Variants in CUL4B observed in about 807,000 individuals in gnomAD.
CUL4B encodes the protein cullin 4B.
CUL4B carries 1 observed loss-of-function variant against 69.2 expected under a neutral mutation model. The ratio of observed to expected loss-of-function variants is 0.01; its 90% confidence interval spans 0.01 to 0.07. The LOEUF (loss-of-function observed/expected upper bound fraction) is 0.07. CUL4B is among the 10% of genes least tolerant of loss of function. The probability of loss-of-function intolerance (pLI) is 1.00; values close to 1 mark genes in which losing one functional copy is unlikely to be tolerated. For synonymous variants in CUL4B, 237 were observed against 223.2 expected, an observed-to-expected ratio of 1.06 and a Z score of -0.55; for missense variants, 328 against 638.8, an observed-to-expected ratio of 0.51 and a Z score of 5.24.
rs1369297351 is a variant in CUL4B, at chrX:120,525,146, C to A, written c.*1615G>T. The A allele has an allele frequency of 8.9e-6, 1 of 112,056 alleles. No homozygotes were observed. The highest frequency in any genetic ancestry group is 3.2e-5 in the African/African-American group (1 of 30,773). 9.2% of individuals were successfully genotyped at this position (112,056 alleles called of 1,213,427 possible). A position where few individuals can be genotyped will look rare whatever the true frequency, so the allele number is the denominator to read the frequency against. On this transcript the variant is annotated 3_prime_UTR_variant, in exon 20 of 20. Transcript: ENST00000371322. ...TCCGAATACCACATATAGTTAGACACCAGTGTGCAAGTTGATGCAACTAGA... is the reference window on the plus strand; with the variant it reads ...TCCGAATACCACATATAGTTAGACAACAGTGTGCAAGTTGATGCAACTAGA...
chrX:120,536,805 T>C (rs1043276227), intron 15 of CUL4B, 122 bp downstream of exon 15: 6 of 516,493 alleles, frequency 1.2e-5, no homozygotes, highest in Non-Finnish European at 1.7e-5. Flanking sequence ...AAGACCAGCC[T>C]GAGCAATACA....
At chrX:120,572,464 C>CAAAAAAAAAAAAAAAAAAAAAAAA in intron 2 of CUL4B, among the ~76,000 whole-genome samples, 1 of 50,437 alleles carries the variant, frequency 2.0e-5, no homozygotes, top group Non-Finnish European at 3.6e-5. Context: ...CAAAACTCCT[C>CAAAAAAAAAAAAAAAAAAAAAAAA]AAAAAAAAAA....
At chrX:120,549,618 T>C (rs1924564719) in intron 2 of CUL4B, among the ~76,000 whole-genome samples, 1 of 111,088 alleles carries the variant, frequency 9.0e-6, no homozygotes, top group South Asian at 3.8e-4. Context: ...ACGAGACAAG[T>C]CACCACACCT....
chrX:120,539,313 C>G lies in CUL4B; in HGVS notation c.1696G>C (p.Glu566Gln). 8.4e-7 allele frequency: 1 copy of G among 1,195,084 alleles called. No individual in the cohort carries two copies. Among genetic ancestry groups the G allele is most frequent in the Non-Finnish European group, 1.1e-6 (1 of 882,558 alleles). ...ATCATAATTTTATCCAACATTTTCT[C>G]AAGTTCTTCATCTGTAGCTTCTTTG... ...GNKEATDEELEKMLDKIMIIF... is the reference protein window; with the variant it reads ...GNKEATDEELQKMLDKIMIIF... Residue 566 changes from glutamate (E) to glutamine (Q), a missense_variant, in exon 12 of 20, where the codon GAG (glutamate) becomes CAG (glutamine). Physicochemically the swap from Glu to Gln is conservative, Grantham distance 29. This residue lies in a region of CUL4B where 98 missense variants were observed against 296.8 expected (regional missense o/e 0.33). Coordinates refer to ENST00000371322, the MANE Select transcript of CUL4B (RefSeq NM_001079872.2).
chrX:120,570,836 T>A (rs1303383795), downstream of CUL4B, among the ~76,000 whole-genome samples: 2 of 111,845 alleles, frequency 1.8e-5, no homozygotes, highest in African/African-American at 6.5e-5. Flanking sequence ...GATAACTTTT[T>A]AAATAAAGCT....
chrX:120,535,989 C>A (rs1923647612), intron 15 of CUL4B, 46 bp from the exon 16 acceptor site: 10 of 905,623 alleles, frequency 1.1e-5, no homozygotes, highest in Non-Finnish European at 1.6e-5. Context: ...GTATCCAATA[C>A]CACATTTACC....
Position 120,542,952 on chromosome X carries a change from A to C in CUL4B, c.1324+14T>G. ...ATTTAAAAAGCAATCTCTTATTTAC[A>C]AATTGCCAATTACCTTTCTGAAGAA... is the stretch of plus-strand genomic sequence containing the variant. On this transcript the variant is annotated intron_variant, in intron 9 of 19. Transcript: ENST00000371322. 1 of 1,172,647 alleles carries C rather than the reference A, an allele frequency of 8.5e-7. No homozygotes were observed. Among genetic ancestry groups the C allele is most frequent in the Non-Finnish European group, 1.2e-6 (1 of 861,188 alleles).
rs888709640 is a variant in CUL4B at position 120,524,372 on chromosome X, C to T, written c.*2389G>A. Among the ~76,000 whole-genome samples the T allele has an allele frequency of 2.7e-5, 3 of 111,575 alleles. No homozygotes were observed. The highest frequency in any genetic ancestry group is 9.6e-5 in the Admixed American group (1 of 10,425). ...ATGAAGCAATGTTTATACTTGTATC[C>T]GCATGTTTAAGAATAATTATCCACC... On this transcript the variant is annotated 3_prime_UTR_variant, in exon 20 of 20. Transcript: ENST00000371322.
chrX:120,525,466 C>G lies in CUL4B; in HGVS notation c.*1295G>C, dbSNP rs985705420. On this transcript the variant is annotated 3_prime_UTR_variant, in exon 20 of 20. Coordinates refer to ENST00000371322, the MANE Select transcript of CUL4B (RefSeq NM_001079872.2). ...AAAAATCAGTGACAGTAAAGAGAAG[C>G]CTTTGCTTGAATTATCAATTCGAAA... is the stretch of plus-strand genomic sequence containing the variant. 2 of 111,841 alleles carry G rather than the reference C, an allele frequency of 1.8e-5. No homozygotes were observed. The highest frequency in any genetic ancestry group is 1.9e-5 in the Non-Finnish European group (1 of 53,145). The allele number at this position is 111,841 out of a possible 1,213,427, so 9.2% of individuals were successfully genotyped here. A position where few individuals can be genotyped will look rare whatever the true frequency, so the allele number is the denominator to read the frequency against.
At chrX:120,531,686 C>T (rs1449596234) in intron 18 of CUL4B, among the ~76,000 whole-genome samples, 1 of 110,914 alleles carries the variant, frequency 9.0e-6, no homozygotes, top group East Asian at 2.8e-4. Flanking sequence ...TTTTGAACTC[C>T]TGACCTCAGG....
chrX:120,575,425 C>T (rs1925841023), exon 1 of CUL4B: 1 of 112,259 alleles, frequency 8.9e-6, no homozygotes, highest in South Asian at 3.7e-4. Context: ...CTGGAGGATC[C>T]GTTGTGTTCT....
Position 120,524,655 on chromosome X carries a change from C to T in CUL4B, c.*2106G>A, listed in dbSNP as rs1266545345. 5.4e-5 allele frequency: 6 copies of T among 111,733 alleles called. No individual in the cohort carries two copies. Among genetic ancestry groups the T allele is most frequent in the African/African-American group, 1.6e-4 (5 of 30,688 alleles). The allele number at this position is 111,733 out of a possible 1,213,427, so 9.2% of individuals were successfully genotyped here. A position where few individuals can be genotyped will look rare whatever the true frequency, so the allele number is the denominator to read the frequency against. Reference sequence around the variant, plus strand: ...TTATTGGAGAAAAATAGAACCACCACGTACACAGGGAAAAGAGCACAAAAA... The same window carrying T: ...TTATTGGAGAAAAATAGAACCACCATGTACACAGGGAAAAGAGCACAAAAA... On this transcript the variant is annotated 3_prime_UTR_variant, in exon 20 of 20. Transcript: ENST00000371322.
In CUL4B at chrX:120,538,109, T is replaced by C; in HGVS notation, c.1938+15A>G. 9.0e-7 allele frequency: 1 copy of C among 1,113,081 alleles called. No homozygotes were observed. 91.7% of individuals were successfully genotyped at this position (1,113,081 alleles called of 1,213,427 possible). A position where few individuals can be genotyped will look rare whatever the true frequency, so the allele number is the denominator to read the frequency against. Reference sequence around the variant, plus strand: ...CAACTAAGTTTGAGGAATTAAGAGTTTAACTCACTTTTACCTGTTTGAACT... The same window carrying C: ...CAACTAAGTTTGAGGAATTAAGAGTCTAACTCACTTTTACCTGTTTGAACT... On this transcript the variant is annotated intron_variant, in intron 14 of 19. Transcript: ENST00000371322.
rs1924340255 is a variant in CUL4B at position 120,546,550 on chromosome X, T to C, written c.843A>G (p.Gln281=). 1.7e-6 allele frequency: 2 copies of C among 1,200,431 alleles called. No homozygotes were observed. Among genetic ancestry groups the C allele is most frequent in the African/African-American group, 3.5e-5 (2 of 57,655 alleles). ...IDRCWQNHCR[Q]MIMIRSIFLF... ...TACAATACTTTTTCCAGCTTACCAT[T>C]TGTCTGCAATGGTTTTGCCAGCATC... The change falls in exon 4 of 20, where the codon CAA becomes CAG. Residue 281 remains glutamine (Q), a synonymous_variant. Coordinates refer to ENST00000371322, the MANE Select transcript of CUL4B (RefSeq NM_001079872.2).
downstream of CUL4B, among the ~76,000 whole-genome samples, chrX:120,567,369 C>T (rs1925585901): frequency 9.1e-6 from 1 of 109,690 alleles, no homozygotes; most frequent in Middle Eastern, 4.7e-3. Flanking sequence ...TCAGGTGATC[C>T]GCCCACCTCG....
intron 13 of CUL4B, 43 bp downstream of exon 13, chrX:120,538,617 T>G: frequency 1.1e-6 from 1 of 879,272 alleles, no homozygotes; most frequent in Non-Finnish European, 1.7e-6. Flanking sequence ...AACATTCTCC[T>G]TCAGGAATCA....
Position 120,526,737 on chromosome X carries a change from A to AC in CUL4B, c.*23dup, listed in dbSNP as rs751734223. 1.7e-5 allele frequency: 18 copies of AC among 1,055,810 alleles called. No homozygotes were observed. In the African/African-American group the frequency reaches 3.1e-4, roughly 18 times the overall value. 87.0% of individuals were successfully genotyped at this position (1,055,810 alleles called of 1,213,427 possible). ...TTATCCACTGGCTACTGCATATGAC[A>AC]CCAAATGCTGCAAGGCCAACATTCT... On this transcript the variant is annotated 3_prime_UTR_variant, in exon 20 of 20. Transcript: ENST00000371322.
In CUL4B at chrX:120,560,788, G is replaced by T; in HGVS notation, c.-150C>A. On this transcript the variant is annotated 5_prime_UTR_variant, in exon 1 of 20. Transcript: ENST00000371322. ...AGGACGAGAAGGAAAGTGAAGGGGG[G>T]GGCTACACCGGGGGAATGGGAGGGT... 7.2e-6 allele frequency: 3 copies of T among 418,674 alleles called. No homozygotes were observed. Among genetic ancestry groups the T allele is most frequent in the Admixed American group, 6.3e-5 (1 of 15,792 alleles). 34.5% of individuals were successfully genotyped at this position (418,674 alleles called of 1,213,427 possible).
In CUL4B at chrX:120,560,801, G is replaced by T; in HGVS notation, c.-163C>A. ...AAGTGAAGGGGGGGGCTACACCGGG[G>T]GAATGGGAGGGTTTGGGAAGGCGGA... On this transcript the variant is annotated 5_prime_UTR_variant, in exon 1 of 20. Coordinates refer to ENST00000371322, the MANE Select transcript of CUL4B (RefSeq NM_001079872.2). The T allele has an allele frequency of 1.2e-5, 7 of 602,928 alleles. No homozygotes were observed. The highest frequency in any genetic ancestry group is 1.1e-4 in the Admixed American group (2 of 17,535). The allele number at this position is 602,928 out of a possible 1,213,427, so 49.7% of individuals were successfully genotyped here.
Sources: gnomAD v4.1 joint callset for allele counts (sites outside exome capture counted in the v4.1 genomes callset) on GRCh38, gnomAD v4.1.1 for gene constraint, gnomAD v4.1.1 regional missense constraint, MANE v1.5 for transcripts, NCBI Gene and HGNC (gene_info 2026-07-23, HGNC 2026-07-21) for gene names.